Variants in ATG7 observed in about 807,000 individuals in gnomAD.
ATG7 encodes ubiquitin-like modifier-activating enzyme ATG7.
Under a neutral mutation model 82.4 loss-of-function variants are expected in ATG7, and 70 were observed. That is an observed-to-expected ratio of 0.85 (90% CI 0.70 to 1.04). The LOEUF (loss-of-function observed/expected upper bound fraction) is 1.04. ATG7 is among the 50% of genes least tolerant of loss of function. The probability of loss-of-function intolerance (pLI) is 0.00; values close to 1 mark genes in which losing one functional copy is unlikely to be tolerated. For synonymous variants in ATG7, 287 were observed against 313.0 expected (o/e 0.92, Z 0.88); for missense variants, 792 against 864.3 (o/e 0.92, Z 1.05).
At position 11,363,185 on chromosome 3, in the gene ATG7, G is replaced by A. The variant is rs1035413358; in HGVS notation, c.1799+257G>A. 1.5e-5 allele frequency: 6 copies of A among 392,726 alleles called. No homozygotes were observed. The East Asian group carries it at 3.3e-4, about 21-fold the overall frequency. 24.3% of individuals were successfully genotyped at this position (392,726 alleles called of 1,614,324 possible). On this transcript the variant is annotated intron_variant, in intron 17 of 20. Transcript: ENST00000693202. ...TTTATTTTTCCAACGCTTATATAGG[G>A]CTTACTTTGTGCTAGGCACTGTTCT...
rs1049467668 is a variant in ATG7, at chr3:11,358,626, C to T, written c.1479+14C>T. 1.2e-6 allele frequency: 2 copies of T among 1,609,462 alleles called. No homozygotes were observed. Among genetic ancestry groups the T allele is most frequent in the African/African-American group, 2.7e-5 (2 of 74,740 alleles). ...AGCAAGAGAAAGGTAGGCCCTGTCT[C>T]TAATTATGATTTATGATTTAATGCA... On this transcript the variant is annotated intron_variant, in intron 15 of 20. Transcript: ENST00000693202.
intron 19 of ATG7, among the ~76,000 whole-genome samples, chr3:11,410,812 G>A (rs2080823214): frequency 6.6e-6 from 1 of 152,148 alleles, no homozygotes; most frequent in Admixed American, 6.5e-5. Flanking sequence ...TTCATCCATG[G>A]ATGGACACTT....
At chr3:11,523,558 C>T (rs2124930909) in intron 20 of ATG7, among the ~76,000 whole-genome samples, 1 of 152,260 alleles carries the variant, frequency 6.6e-6, no homozygotes, top group South Asian at 2.1e-4. Flanking sequence ...TCAGGGAGTC[C>T]TAAACGTTGA....
chr3:11,548,158 T>A (rs1480082539), intron 20 of ATG7, among the ~76,000 whole-genome samples: 3 of 152,224 alleles, frequency 2.0e-5, no homozygotes, highest in Non-Finnish European at 2.9e-5. Flanking sequence ...GCCACATTTT[T>A]AAATTGTGTT....
chr3:11,312,320 A>G (rs977571084), intron 7 of ATG7, among the ~76,000 whole-genome samples: 1 of 152,214 alleles, frequency 6.6e-6, no homozygotes, highest in Non-Finnish European at 1.5e-5. Context: ...ATACCCACAT[A>G]TGTCTGGAAT....
At chr3:11,473,077 C>T (rs559317205) in intron 20 of ATG7, among the ~76,000 whole-genome samples, 4 of 152,272 alleles carry the variant, frequency 2.6e-5, no homozygotes, top group African/African-American at 9.6e-5. Context: ...TGATATTCAG[C>T]CCTGACTGCC....
At chr3:11,299,750 A>AGTCCATGGGCATT (rs970030396) in intron 5 of ATG7, among the ~76,000 whole-genome samples, 27 of 152,064 alleles carry the variant, frequency 1.8e-4, no homozygotes, top group Non-Finnish European at 3.8e-4. Context: ...TCACTCCTTT[A>AGTCCATGGGCATT]GTCCATGGGC....
rs745574031 is a variant in ATG7 at position 11,299,366 on chromosome 3, C to T, written c.165C>T (p.Asp55=). Residue 55 remains aspartate, a synonymous_variant, in exon 5 of 21, where the codon GAC becomes GAT. Coordinates refer to ENST00000693202, the MANE Select transcript of ATG7 (RefSeq NM_001349232.2). ...KDIKGYYYNG[D]SAGLPARLTL... ...TGTGATAATGCTTCTGTCCAGGTGA[C>T]TCTGCTGGGCTGCCAGCTCGCTTAA... 1.9e-6 allele frequency: 3 copies of T among 1,611,446 alleles called. No individual in the cohort carries two copies. The South Asian group carries it at 3.3e-5, about 18-fold the overall frequency.
intron 20 of ATG7, among the ~76,000 whole-genome samples, chr3:11,521,459 C>T (rs6809218): frequency 2.6e-5 from 4 of 151,802 alleles, no homozygotes; most frequent in Admixed American, 6.6e-5. Flanking sequence ...CAGCAGGGCA[C>T]GGGGAAGGAG....
chr3:11,330,678 G>T (rs948163557), intron 9 of ATG7, among the ~76,000 whole-genome samples: 3 of 152,114 alleles, frequency 2.0e-5, no homozygotes, highest in Non-Finnish European at 2.9e-5. Context: ...CATTGTCTTT[G>T]AAAGGAAGGA....
At chr3:11,412,903 TAA>T (rs1441819288) in intron 19 of ATG7, among the ~76,000 whole-genome samples, 6 of 152,180 alleles carry the variant, frequency 3.9e-5, no homozygotes, top group Admixed American at 3.3e-4. Context: ...TTTTATTGTA[TAA>T]GTCTTTCACC....
chr3:11,444,480 T>G (rs138063563), intron 20 of ATG7, among the ~76,000 whole-genome samples: 2 of 152,320 alleles, frequency 1.3e-5, no homozygotes, highest in Non-Finnish European at 2.9e-5. Flanking sequence ...TTTTTGCTCC[T>G]TTGGGGGTGA....
intron 5 of ATG7, among the ~76,000 whole-genome samples, chr3:11,303,031 C>A (rs1947033634): frequency 1.3e-5 from 2 of 152,222 alleles, no homozygotes; most frequent in South Asian, 4.1e-4. Flanking sequence ...GCTGCTGGTC[C>A]AGTCTTCTTC....
intron 20 of ATG7, among the ~76,000 whole-genome samples, chr3:11,522,445 G>A (rs906011645): frequency 5.9e-5 from 9 of 151,562 alleles, no homozygotes; most frequent in African/African-American, 1.9e-4. Context: ...GGGGAATTCC[G>A]GAATAAGCTC....
chr3:11,388,101 A>G (rs1004239757), intron 19 of ATG7, among the ~76,000 whole-genome samples: 6 of 152,104 alleles, frequency 3.9e-5, no homozygotes, highest in African/African-American at 1.4e-4. Flanking sequence ...CCTAGATGAG[A>G]CACTAGGATA....
At chr3:11,553,802 C>T (rs905965952) in intron 20 of ATG7, among the ~76,000 whole-genome samples, 2 of 152,170 alleles carry the variant, frequency 1.3e-5, no homozygotes, top group African/African-American at 4.8e-5. Context: ...TATTTATTTT[C>T]GACATCCTCG....
chr3:11,507,755 C>G (rs2091817848), intron 20 of ATG7, among the ~76,000 whole-genome samples: 1 of 152,064 alleles, frequency 6.6e-6, no homozygotes, highest in African/African-American at 2.4e-5. Context: ...ATTATTAAAG[C>G]TAGCCCAGCA....
intron 7 of ATG7, 54 bp downstream of exon 7, chr3:11,309,115 C>T (rs1177372019): frequency 1.4e-6 from 2 of 1,473,384 alleles, no homozygotes; most frequent in Admixed American, 3.3e-5. Flanking sequence ...CCTGGCTTAG[C>T]CCAGTGTACC....
chr3:11,353,179 G>A (rs2075689633), intron 14 of ATG7, among the ~76,000 whole-genome samples: 1 of 152,194 alleles, frequency 6.6e-6, no homozygotes, highest in Non-Finnish European at 1.5e-5. Flanking sequence ...CACAGTGGCT[G>A]ATGCCTATAA....
Sources: allele counts gnomAD v4.1 joint callset (sites outside exome capture counted in the v4.1 genomes callset), GRCh38; gene constraint gnomAD v4.1.1; transcripts MANE v1.5; gene names NCBI Gene and HGNC (gene_info 2026-07-23, HGNC 2026-07-21).